Variants in CFAP20DC observed in about 807,000 individuals in gnomAD.
The protein encoded by CFAP20DC is protein CFAP20DC.
CFAP20DC carries 84 observed loss-of-function variants against 101.7 expected under a neutral mutation model. The ratio of observed to expected loss-of-function variants is 0.83; its 90% confidence interval spans 0.69 to 0.99. CFAP20DC has a LOEUF of 0.99. Ranked by LOEUF, CFAP20DC falls within the 50% of genes least tolerant of loss-of-function variation. The pLI, the probability that CFAP20DC is intolerant of heterozygous loss-of-function variation, is 0.00. For synonymous variants in CFAP20DC, 359 were observed against 351.2 expected (o/e 1.02, Z -0.25); for missense variants, 1,007 against 970.3 (o/e 1.04, Z -0.50).
intron 15 of CFAP20DC, among the ~76,000 whole-genome samples, chr3:58,756,583 A>C (rs1326305200): frequency 6.6e-6 from 1 of 152,042 alleles, no homozygotes; most frequent in African/African-American, 2.4e-5. Context: ...TACAACATTA[A>C]CAATCAAAAG....
At chr3:58,973,767 C>A (rs930261003) in intron 4 of CFAP20DC, among the ~76,000 whole-genome samples, 11 of 152,090 alleles carry the variant, frequency 7.2e-5, no homozygotes, top group African/African-American at 2.2e-4. Flanking sequence ...TAGGCACCCC[C>A]AAAATAGAAA....
chr3:58,763,667 T>C (rs942882482), intron 15 of CFAP20DC, among the ~76,000 whole-genome samples: 4 of 152,178 alleles, frequency 2.6e-5, no homozygotes, highest in African/African-American at 9.7e-5. Flanking sequence ...ATCTTTGTGG[T>C]TTTATCTACC....
intron 15 of CFAP20DC, among the ~76,000 whole-genome samples, chr3:58,784,047 ATTT>A (rs35439333): frequency 1.4e-5 from 2 of 141,950 alleles, no homozygotes; most frequent in African/African-American, 5.1e-5. Flanking sequence ...TATTGTTGCC[ATTT>A]TTTTTTTTTA....
chr3:58,924,807 T>A (rs56995903), intron 5 of CFAP20DC, among the ~76,000 whole-genome samples: 12 of 152,290 alleles, frequency 7.9e-5, no homozygotes, highest in African/African-American at 2.4e-4. Context: ...TGGTTTTAAT[T>A]TGCATTTCTT....
intron 10 of CFAP20DC, 63 bp downstream of exon 10, chr3:58,867,754 G>A: frequency 6.3e-7 from 1 of 1,585,240 alleles, no homozygotes; most frequent in Non-Finnish European, 8.6e-7. Context: ...ACAACCTGCA[G>A]AGAGAGATTC....
intron 7 of CFAP20DC, among the ~76,000 whole-genome samples, chr3:58,881,318 A>G (rs531427414): frequency 6.6e-6 from 1 of 152,240 alleles, no homozygotes; most frequent in East Asian, 1.9e-4. Flanking sequence ...TTAGTGGACC[A>G]CTGCATCTTG....
chr3:58,750,800 A>G (rs914508134), intron 16 of CFAP20DC, among the ~76,000 whole-genome samples: 5 of 152,214 alleles, frequency 3.3e-5, no homozygotes, highest in African/African-American at 4.8e-5. Context: ...TCTTCCATAC[A>G]TGAGGAATCC....
intron 7 of CFAP20DC, among the ~76,000 whole-genome samples, chr3:58,879,225 G>GA (rs2081034314): frequency 6.6e-6 from 1 of 152,150 alleles, no homozygotes; most frequent in African/African-American, 2.4e-5. Context: ...AAATGCTTAA[G>GA]ATGATGGATA....
intron 15 of CFAP20DC, among the ~76,000 whole-genome samples, chr3:58,767,644 T>A (rs533270965): frequency 6.6e-6 from 1 of 152,348 alleles, no homozygotes; most frequent in East Asian, 1.9e-4. Flanking sequence ...TTCTCCCACC[T>A]CAGCCTCCCA....
At chr3:58,990,087 A>G (rs2092889242) in intron 4 of CFAP20DC, among the ~76,000 whole-genome samples, 1 of 152,212 alleles carries the variant, frequency 6.6e-6, no homozygotes, top group Non-Finnish European at 1.5e-5. Flanking sequence ...ACAGGAGCAC[A>G]AGGAATGCAT....
rs371589203 is a variant in CFAP20DC, at chr3:58,869,364, T to A, written c.979A>T (p.Asn327Tyr). 2 of 1,613,644 alleles carry A rather than the reference T, an allele frequency of 1.2e-6. No homozygotes were observed. The highest frequency in any genetic ancestry group is 2.7e-5 in the African/African-American group (2 of 74,926). Residue 327 changes from asparagine (N) to tyrosine (Y), a missense_variant, in exon 9 of 17, where the codon AAT (asparagine) becomes TAT (tyrosine). Asn to Tyr is a moderately radical substitution (Grantham distance 143, BLOSUM62 -2). Coordinates refer to ENST00000482387, the MANE Select transcript of CFAP20DC (RefSeq NM_001394063.1). The surrounding 1 kb of genome is among the most constrained non-coding windows in gnomAD (Gnocchi z 4.3). Reference protein sequence around the residue: ...PESEEQGNKENIHQIKQTVPI... With the variant: ...PESEEQGNKEYIHQIKQTVPI... ...ACAGTCTGCTTTATTTGGTGAATATTTTCTTTATTTCCTTGTTCCTCAGAC... is the reference window on the plus strand; with the variant it reads ...ACAGTCTGCTTTATTTGGTGAATATATTCTTTATTTCCTTGTTCCTCAGAC...
At chr3:58,777,471 G>T (rs1374587202) in intron 15 of CFAP20DC, among the ~76,000 whole-genome samples, 4 of 152,130 alleles carry the variant, frequency 2.6e-5, no homozygotes, top group African/African-American at 9.7e-5. Context: ...AGATATTTGG[G>T]TTCCACAGCA....
chr3:59,047,304 T>C, intron 1 of CFAP20DC, 50 bp from the exon 2 acceptor site: 2 of 1,219,228 alleles, frequency 1.6e-6, no homozygotes, highest in Non-Finnish European at 2.3e-6. Context: ...GAGGAAGTAT[T>C]ATCCACCACA....
Position 58,867,833 on chromosome 3 carries a change from C to G in CFAP20DC, c.1119G>C (p.Arg373Ser), listed in dbSNP as rs772635829. The change falls in exon 10 of 17, where the codon AGG becomes AGC. Residue 373 changes from arginine (R) to serine (S), a missense_variant. Coordinates refer to ENST00000482387, the MANE Select transcript of CFAP20DC (RefSeq NM_001394063.1). ...RLRLKSTSRE[R>S]TETPSGSSSG... ...GTGCCATACCGCTGGGTGTCTCTGT[C>G]CTTTCTCTGCTGGTACTTTTTAACC... The G allele has an allele frequency of 1.2e-6, 2 of 1,613,542 alleles. No homozygotes were observed. The highest frequency in any genetic ancestry group is 2.2e-5 in the South Asian group (2 of 91,044).
chr3:58,762,576 C>T (rs1040409982), intron 15 of CFAP20DC, among the ~76,000 whole-genome samples: 14 of 152,280 alleles, frequency 9.2e-5, no homozygotes, highest in Admixed American at 7.8e-4. Context: ...TTGATCCTGT[C>T]ATTATGATGT....
chr3:58,995,893 T>G (rs2093105711), intron 4 of CFAP20DC, among the ~76,000 whole-genome samples: 1 of 152,108 alleles, frequency 6.6e-6, no homozygotes, highest in Non-Finnish European at 1.5e-5. Context: ...ATCTATTGGT[T>G]CTTCTGACTT....
At chr3:58,883,362 AT>A (rs2108643013) in intron 7 of CFAP20DC, among the ~76,000 whole-genome samples, 1 of 152,284 alleles carries the variant, frequency 6.6e-6, no homozygotes, top group Non-Finnish European at 1.5e-5. Context: ...CTGCTGTTAA[AT>A]TCAACTTCCT....
rs9811895 is a variant in CFAP20DC at position 58,795,018 on chromosome 3, G to A, written c.2237+11377C>T. Among the ~76,000 whole-genome samples the A allele has an allele frequency of 5.3e-5, 8 of 151,910 alleles. No individual in the cohort carries two copies. Among genetic ancestry groups the A allele is most frequent in the Admixed American group, 1.3e-4 (2 of 15,246 alleles). On this transcript the variant is annotated intron_variant, in intron 15 of 16. Transcript: ENST00000482387. This position sits in a 1 kb window ranked among gnomAD's most constrained non-coding sequence, Gnocchi z 4.2. Reference sequence around the variant, plus strand: ...GCTGTAGCCATTTAACAATAATTACGGTCTTCCATTTTTTAGGTTAATGTT... The same window carrying A: ...GCTGTAGCCATTTAACAATAATTACAGTCTTCCATTTTTTAGGTTAATGTT...
intron 1 of CFAP20DC, among the ~76,000 whole-genome samples, chr3:59,048,536 A>T (rs1346434223): frequency 6.6e-6 from 1 of 152,144 alleles, no homozygotes; most frequent in Admixed American, 6.5e-5. Context: ...CATGTCCTCC[A>T]AGTTTCCTGT....
Sources: gnomAD v4.1 joint callset for allele counts (sites outside exome capture counted in the v4.1 genomes callset) on GRCh38, gnomAD v4.1.1 for gene constraint, Gnocchi (gnomAD v3.1) non-coding constraint, MANE v1.5 for transcripts, NCBI Gene and HGNC (gene_info 2026-07-23, HGNC 2026-07-21) for gene names.